Variants in SRGAP3 observed in about 807,000 individuals in gnomAD.
SRGAP3 encodes the protein SLIT-ROBO Rho GTPase activating protein 3.
In SRGAP3, 39 loss-of-function variants were observed where a neutral mutation model predicts 121.1. That is an observed-to-expected ratio of 0.32 (90% CI 0.25 to 0.42). The LOEUF (loss-of-function observed/expected upper bound fraction) is 0.42, where lower values mean the gene tolerates loss of function less well. Ranked by LOEUF, SRGAP3 falls within the 10% of genes least tolerant of loss-of-function variation. The pLI, the probability that SRGAP3 is intolerant of heterozygous loss-of-function variation, is 1.00. For missense variants in SRGAP3, 1,213 were observed against 1,470.6 expected (o/e 0.82, Z 2.86); for synonymous variants, 601 against 570.0 (o/e 1.05, Z -0.77).
intron 3 of SRGAP3, among the ~76,000 whole-genome samples, chr3:9,267,301 G>A (rs749256218): frequency 6.6e-6 from 1 of 150,610 alleles, no homozygotes; most frequent in Non-Finnish European, 1.5e-5. Context: ...TGGGAAAACA[G>A]CAGACAGAGA....
Position 9,047,491 on chromosome 3 carries a change from C to T in SRGAP3, c.1324-16G>A, listed in dbSNP as rs1388600279. ...CTTTAAATTTCTGTAAGACACAAGGCACAAGGAAGTTATAGATTGCAAGGC... is the reference window on the plus strand; with the variant it reads ...CTTTAAATTTCTGTAAGACACAAGGTACAAGGAAGTTATAGATTGCAAGGC... On this transcript the variant is annotated splice_polypyrimidine_tract_variant and intron_variant, in intron 9 of 21. Transcript: ENST00000383836. 2 of 1,613,596 alleles carry T rather than the reference C, an allele frequency of 1.2e-6. No homozygotes were observed. The highest frequency in any genetic ancestry group is 2.2e-5 in the South Asian group (2 of 91,034).
At chr3:9,232,154 T>C (rs980711160) in intron 1 of SRGAP3, among the ~76,000 whole-genome samples, 4 of 152,246 alleles carry the variant, frequency 2.6e-5, no homozygotes, top group Non-Finnish European at 5.9e-5. Flanking sequence ...CACTACATAA[T>C]GAGCACCACA....
At chr3:9,267,859 G>A (rs961275773) in intron 3 of SRGAP3, among the ~76,000 whole-genome samples, 57 of 152,180 alleles carry the variant, frequency 3.7e-4, no homozygotes, top group African/African-American at 1.1e-3. Flanking sequence ...ACAAGGTGCC[G>A]TTTTCTGTGC....
chr3:9,135,171 T>C (rs1301718093), intron 1 of SRGAP3, among the ~76,000 whole-genome samples: 1 of 152,214 alleles, frequency 6.6e-6, no homozygotes, highest in East Asian at 1.9e-4. Context: ...GTGCAGAATA[T>C]TTCCATCATT....
At chr3:9,228,958 AG>A (rs1237799669) in intron 1 of SRGAP3, among the ~76,000 whole-genome samples, 2 of 149,980 alleles carry the variant, frequency 1.3e-5, no homozygotes, top group Non-Finnish European at 3.0e-5. Flanking sequence ...GCTACTCGGG[AG>A]GCTGAGGCAG....
At chr3:9,341,996 A>G (rs1240952526) in intron 1 of SRGAP3, among the ~76,000 whole-genome samples, 1 of 152,208 alleles carries the variant, frequency 6.6e-6, no homozygotes, top group Non-Finnish European at 1.5e-5. Flanking sequence ...TACAGGCTTT[A>G]CTAACACTTT....
intron 18 of SRGAP3, chr3:9,006,862 T>C (rs1408335757): frequency 6.6e-6 from 1 of 152,000 alleles, no homozygotes; most frequent in Non-Finnish European, 1.5e-5. Flanking sequence ...GGTTTCTTTA[T>C]ATAACTCTTG....
chr3:9,162,498 T>G (rs1369394101), intron 1 of SRGAP3, among the ~76,000 whole-genome samples: 2 of 152,142 alleles, frequency 1.3e-5, no homozygotes, highest in Non-Finnish European at 2.9e-5. Flanking sequence ...CATCTGCCTG[T>G]GGAACTTGCT....
At chr3:9,065,588 T>C (rs1031730300) in intron 4 of SRGAP3, 1 of 152,238 alleles carries the variant, frequency 6.6e-6, no homozygotes, top group Non-Finnish European at 1.5e-5. Context: ...CATGGAATCA[T>C]ACAATATAAA....
intron 3 of SRGAP3, among the ~76,000 whole-genome samples, chr3:9,267,262 A>G (rs1039070538): frequency 6.6e-6 from 1 of 152,162 alleles, no homozygotes; most frequent in Non-Finnish European, 1.5e-5. Context: ...CCTCTGGAAA[A>G]CACCTTGTTA....
chr3:9,258,605 C>T (rs901922123), intron 3 of SRGAP3, among the ~76,000 whole-genome samples: 2 of 152,156 alleles, frequency 1.3e-5, no homozygotes, highest in Admixed American at 6.5e-5. Context: ...CAAGATGATG[C>T]CACGTACCAT....
chr3:9,110,300 G>A (rs537724635), intron 2 of SRGAP3, among the ~76,000 whole-genome samples: 19 of 152,306 alleles, frequency 1.2e-4, no homozygotes, highest in South Asian at 4.1e-4. Context: ...AGGGTGGGGC[G>A]GGGAGGGAGG....
At chr3:9,142,407 G>A (rs1219120935) in intron 1 of SRGAP3, among the ~76,000 whole-genome samples, 5 of 152,180 alleles carry the variant, frequency 3.3e-5, no homozygotes, top group East Asian at 3.8e-4. Context: ...TCCCAATGTC[G>A]TAGCAAATTT....
chr3:9,049,578 T>A (rs1945460035), intron 9 of SRGAP3: 1 of 443,378 alleles, frequency 2.3e-6, no homozygotes, highest in Non-Finnish European at 4.5e-6. Context: ...AAACTGAGAG[T>A]AGACTCAGTG....
intron 4 of SRGAP3, among the ~76,000 whole-genome samples, chr3:9,076,038 C>T (rs1263431150): frequency 1.3e-5 from 2 of 152,166 alleles, no homozygotes; most frequent in Admixed American, 6.5e-5. Flanking sequence ...GTGTAACTTG[C>T]TTTGGCCAAT....
At chr3:9,057,851 T>G (rs1945902619) in intron 7 of SRGAP3, among the ~76,000 whole-genome samples, 1 of 152,154 alleles carries the variant, frequency 6.6e-6, no homozygotes, top group Non-Finnish European at 1.5e-5. Flanking sequence ...ATCAAAGGCT[T>G]GCAGTGTTGG....
intron 3 of SRGAP3, among the ~76,000 whole-genome samples, chr3:9,283,303 C>T (rs2125266344): frequency 6.6e-6 from 1 of 152,300 alleles, no homozygotes; most frequent in East Asian, 1.9e-4. Flanking sequence ...ACTTTTCATA[C>T]TCCGTTAACA....
chr3:9,018,116 G>C (rs1223454301), intron 14 of SRGAP3, among the ~76,000 whole-genome samples: 2 of 152,194 alleles, frequency 1.3e-5, no homozygotes, highest in East Asian at 1.9e-4. Flanking sequence ...TCTTCTTTCT[G>C]AGGCTGGCTT....
In SRGAP3 at chr3:8,980,932, G is replaced by T. The variant is rs1475822496; in HGVS notation, c.*4587C>A. 8.6e-6 allele frequency: 2 copies of T among 233,438 alleles called. No individual in the cohort carries two copies. Among genetic ancestry groups the T allele is most frequent in the Non-Finnish European group, 1.7e-5 (2 of 117,964 alleles). The allele number at this position is 233,438 out of a possible 1,614,324, so 14.5% of individuals were successfully genotyped here. ...ACTGCCGGGAACAAGGGCCTGGGCA[G>T]AAACCCTAGCCAGGATCTACTTCCG... On this transcript the variant is annotated 3_prime_UTR_variant, in exon 22 of 22. Coordinates refer to ENST00000383836, the MANE Select transcript of SRGAP3 (RefSeq NM_014850.4).
Sources: allele counts gnomAD v4.1 joint callset (sites outside exome capture counted in the v4.1 genomes callset), GRCh38; gene constraint gnomAD v4.1.1; transcripts MANE v1.5; gene names NCBI Gene and HGNC (gene_info 2026-07-23, HGNC 2026-07-21).